The following ACKR3 variants were observed in gnomAD, a reference collection of about 807,000 sequenced individuals.
ACKR3 encodes the protein C-X-C chemokine receptor type 7.
Under a neutral mutation model 22.4 loss-of-function variants are expected in ACKR3, and 6 were observed. The observed-to-expected ratio is 0.27, with a 90% confidence interval of 0.15 to 0.53. The LOEUF (loss-of-function observed/expected upper bound fraction) is 0.53, where lower values mean the gene tolerates loss of function less well. Ranked by LOEUF, ACKR3 falls within the 20% of genes least tolerant of loss-of-function variation. The pLI is 0.96. For synonymous variants in ACKR3, 209 were observed against 205.2 expected, an observed-to-expected ratio of 1.02 and a Z score of -0.16; for missense variants, 396 against 475.2, an observed-to-expected ratio of 0.83 and a Z score of 1.55.
the ACKR3 span, among the ~76,000 whole-genome samples, chr2:236,553,199 TC>T: frequency 0.27 from 40,334 of 151,818 alleles, 8,422 homozygotes; most frequent in African/African-American, 0.59. Context: ...CCTCTCCTCC[TC>T]CCCCCTGCTG....
the ACKR3 span, among the ~76,000 whole-genome samples, chr2:236,562,115 C>T: frequency 0.03 from 4,607 of 152,264 alleles, 220 homozygotes; most frequent in African/African-American, 0.1. Flanking sequence ...ATGAGGCCTA[C>T]GTCAAATTCA....
the ACKR3 span, among the ~76,000 whole-genome samples, chr2:236,557,545 A>C: frequency 6.6e-6 from 1 of 152,230 alleles, no homozygotes; most frequent in African/African-American, 2.4e-5. Flanking sequence ...CCACTGGCCA[A>C]ATCAGGAATA....
At chr2:236,560,952 T>A in the ACKR3 span, among the ~76,000 whole-genome samples, 8 of 152,182 alleles carry the variant, frequency 5.3e-5, no homozygotes, top group Non-Finnish European at 1.0e-4. Context: ...GGTATATACA[T>A]ACAACAAAAT....
upstream of ACKR3, among the ~76,000 whole-genome samples, chr2:236,562,982 C>T (rs576066782): frequency 2.0e-4 from 30 of 152,048 alleles, no homozygotes; most frequent in Non-Finnish European, 3.4e-4. Flanking sequence ...TCATGTAAGC[C>T]CTTCTGGTTG....
At chr2:236,546,823 A>C in the ACKR3 span, among the ~76,000 whole-genome samples, 2 of 152,244 alleles carry the variant, frequency 1.3e-5, no homozygotes, top group Non-Finnish European at 2.9e-5. The surrounding 1 kb of genome is among the most constrained non-coding windows in gnomAD (Gnocchi z 4.9). Context: ...CACTTAGCCC[A>C]CTTCCTTTGC....
the ACKR3 span, among the ~76,000 whole-genome samples, chr2:236,551,760 T>C: frequency 9.2e-5 from 14 of 152,234 alleles, no homozygotes; most frequent in Non-Finnish European, 1.5e-5. Flanking sequence ...CATTGATTTA[T>C]ATTTCAGCCC....
the ACKR3 span, among the ~76,000 whole-genome samples, chr2:236,560,225 A>G: frequency 0.035 from 5,282 of 151,284 alleles, 310 homozygotes; most frequent in African/African-American, 0.12. Context: ...GGAGCCCCAT[A>G]TAGTGTCCCA....
chr2:236,573,361 C>T (rs778070119), intron 1 of ACKR3, among the ~76,000 whole-genome samples: 4 of 152,200 alleles, frequency 2.6e-5, no homozygotes, highest in Admixed American at 6.5e-5. Context: ...GCATGATTCC[C>T]GCTGGAGAGT....
Position 236,580,701 on chromosome 2 carries a change from C to G in ACKR3, c.236C>G (p.Thr79Arg), listed in dbSNP as rs200095631. 1 of 1,614,198 alleles carries G rather than the reference C, an allele frequency of 6.2e-7. No individual in the cohort carries two copies. The highest frequency in any genetic ancestry group is 1.7e-5 in the Admixed American group (1 of 60,030). ...NIQAKTTGYD[T>R]HCYILNLAIA... ...CAGGCCAAGACCACAGGCTATGACA[C>G]GCACTGCTACATCTTGAACCTGGCC... The change falls in exon 2 of 2, where the codon ACG becomes AGG. Residue 79 changes from threonine to arginine, a missense_variant. Transcript: ENST00000272928.
chr2:236,568,488 C>CGAT (rs949755577), upstream of ACKR3, among the ~76,000 whole-genome samples: 1 of 152,146 alleles, frequency 6.6e-6, no homozygotes, highest in Non-Finnish European at 1.5e-5. Flanking sequence ...TCCTTGGTGC[C>CGAT]GATGTGACAC....
chr2:236,562,550 G>C, the ACKR3 span, among the ~76,000 whole-genome samples: 1 of 152,104 alleles, frequency 6.6e-6, no homozygotes, highest in Non-Finnish European at 1.5e-5. Context: ...CACAAGGTAA[G>C]AGTATGTTCA....
At chr2:236,540,326 G>A in the ACKR3 span, among the ~76,000 whole-genome samples, 1 of 151,200 alleles carries the variant, frequency 6.6e-6, no homozygotes, top group African/African-American at 2.4e-5. Flanking sequence ...ATTCATGTAT[G>A]TAAATAAATT....
chr2:236,550,458 T>G, the ACKR3 span, among the ~76,000 whole-genome samples: 3 of 152,234 alleles, frequency 2.0e-5, no homozygotes, highest in Non-Finnish European at 2.9e-5. This position sits in a 1 kb window ranked among gnomAD's most constrained non-coding sequence, Gnocchi z 4.6. Flanking sequence ...GTAAAATACA[T>G]GCTGATTGAT....
upstream of ACKR3, among the ~76,000 whole-genome samples, chr2:236,566,863 TTC>T (rs375114667): frequency 2.0e-5 from 3 of 151,582 alleles, no homozygotes; most frequent in African/African-American, 7.3e-5. Flanking sequence ...TTTTCTTTCT[TTC>T]TCTCTCTGTC....
the ACKR3 span, among the ~76,000 whole-genome samples, chr2:236,540,679 A>G: frequency 6.6e-6 from 1 of 152,170 alleles, no homozygotes; most frequent in African/African-American, 2.4e-5. Flanking sequence ...TGTGTGGTGC[A>G]AAATAAGGGT....
chr2:236,540,222 T>C, the ACKR3 span, among the ~76,000 whole-genome samples: 2 of 152,240 alleles, frequency 1.3e-5, no homozygotes, highest in African/African-American at 4.8e-5. Context: ...TTAGTTATTG[T>C]AGTAATTGTA....
At chr2:236,551,064 C>T in the ACKR3 span, among the ~76,000 whole-genome samples, 1 of 152,206 alleles carries the variant, frequency 6.6e-6, no homozygotes, top group Non-Finnish European at 1.5e-5. Flanking sequence ...TTCCTCAGCC[C>T]TGTAGGCACA....
At chr2:236,554,310 A>T in the ACKR3 span, among the ~76,000 whole-genome samples, 2 of 152,250 alleles carry the variant, frequency 1.3e-5, no homozygotes, top group Non-Finnish European at 2.9e-5. Flanking sequence ...ATCAGGAAGA[A>T]AGTAATATTT....
At chr2:236,549,793 TG>T in the ACKR3 span, among the ~76,000 whole-genome samples, 1 of 152,188 alleles carries the variant, frequency 6.6e-6, no homozygotes, top group Non-Finnish European at 1.5e-5. The surrounding 1 kb of genome is among the most constrained non-coding windows in gnomAD (Gnocchi z 5.3). Flanking sequence ...TGTACATCCC[TG>T]GGAAGTGTAT....
Sources: allele counts gnomAD v4.1 joint callset (sites outside exome capture counted in the v4.1 genomes callset), GRCh38; gene constraint gnomAD v4.1.1; non-coding constraint Gnocchi (gnomAD v3.1); transcripts MANE v1.5; gene names NCBI Gene and HGNC (gene_info 2026-07-23, HGNC 2026-07-21).